The following CWC22 variants were observed in gnomAD, a reference collection of about 807,000 sequenced individuals.
CWC22 encodes pre-mRNA-splicing factor CWC22 homolog.
CWC22 carries 53 observed loss-of-function variants against 117.2 expected under a neutral mutation model. The observed-to-expected ratio is 0.45, with a 90% CI of 0.36 to 0.57. The LOEUF (loss-of-function observed/expected upper bound fraction) is 0.57, where lower values mean the gene tolerates loss of function less well. CWC22 is among the 20% of genes least tolerant of loss of function. The pLI is 0.00. For synonymous variants in CWC22, 360 were observed against 355.6 expected (o/e 1.01, Z -0.14); for missense variants, 980 against 1,068.8 (o/e 0.92, Z 1.16).
intron 13 of CWC22, among the ~76,000 whole-genome samples, chr2:179,959,541 A>C (rs1349880937): frequency 6.6e-6 from 1 of 152,124 alleles, no homozygotes; most frequent in Admixed American, 6.5e-5. Flanking sequence ...TCTAATGAGA[A>C]ATGCATTCTT....
chr2:179,996,905 T>G (rs1363059500), intron 1 of CWC22, among the ~76,000 whole-genome samples: 2 of 151,310 alleles, frequency 1.3e-5, no homozygotes, highest in African/African-American at 4.8e-5. Flanking sequence ...ATTTACTGAT[T>G]AAACAAAAAA....
intron 5 of CWC22, among the ~76,000 whole-genome samples, chr2:179,979,905 A>T (rs1226675477): frequency 1.3e-5 from 2 of 152,176 alleles, no homozygotes; most frequent in Non-Finnish European, 2.9e-5. Flanking sequence ...GGAAGCCCAC[A>T]ATTCACGTAT....
chr2:179,992,820 G>C (rs556057418), intron 2 of CWC22, among the ~76,000 whole-genome samples: 4 of 152,128 alleles, frequency 2.6e-5, no homozygotes, highest in Non-Finnish European at 4.4e-5. Flanking sequence ...ATAAATGAAC[G>C]CACACTGTCT....
intron 4 of CWC22, among the ~76,000 whole-genome samples, chr2:179,982,790 G>T (rs945992313): frequency 6.6e-6 from 1 of 152,118 alleles, no homozygotes; most frequent in Non-Finnish European, 1.5e-5. Context: ...ACGGGAAAGA[G>T]CGAATTCTTG....
intron 17 of CWC22, among the ~76,000 whole-genome samples, chr2:179,951,759 G>A (rs1686454499): frequency 1.3e-5 from 2 of 152,100 alleles, no homozygotes; most frequent in South Asian, 4.1e-4. Flanking sequence ...GAAGTGGATG[G>A]AATAGTCCAG....
At chr2:179,968,526 T>TA (rs1259455566) in intron 11 of CWC22, among the ~76,000 whole-genome samples, 3 of 151,512 alleles carry the variant, frequency 2.0e-5, no homozygotes, top group East Asian at 3.9e-4. Flanking sequence ...ATACAAAATA[T>TA]AAAAAACACC....
intron 11 of CWC22, among the ~76,000 whole-genome samples, chr2:179,970,298 G>T (rs1686998270): frequency 6.6e-6 from 1 of 151,930 alleles, no homozygotes; most frequent in South Asian, 2.1e-4. Context: ...AAGAACAATG[G>T]GGTAAGTAAT....
intron 4 of CWC22, among the ~76,000 whole-genome samples, chr2:179,983,028 A>T (rs1483163637): frequency 2.0e-5 from 3 of 152,218 alleles, no homozygotes; most frequent in Non-Finnish European, 4.4e-5. Context: ...AATATATAGT[A>T]ATAAAACCTA....
chr2:180,003,720 T>C (rs1323054313), intron 1 of CWC22, among the ~76,000 whole-genome samples: 1 of 152,116 alleles, frequency 6.6e-6, no homozygotes, highest in Middle Eastern at 3.2e-3. Flanking sequence ...TCTGTCTAGC[T>C]CCACCCATTT....
At chr2:179,961,197 A>T (rs895301068) in intron 13 of CWC22, among the ~76,000 whole-genome samples, 2 of 152,016 alleles carry the variant, frequency 1.3e-5, no homozygotes, top group Non-Finnish European at 2.9e-5. Context: ...AGTATAGTTC[A>T]CCTAAGAGAA....
intron 3 of CWC22, among the ~76,000 whole-genome samples, 166 bp from the exon 4 acceptor site, chr2:179,986,971 T>C (rs1468626151): frequency 6.6e-6 from 1 of 152,204 alleles, no homozygotes; most frequent in African/African-American, 2.4e-5. Flanking sequence ...TCCATCAGAA[T>C]TACAAAAGCT....
intron 14 of CWC22, among the ~76,000 whole-genome samples, chr2:179,956,157 TTAAG>T (rs1686585899): frequency 6.6e-6 from 1 of 151,790 alleles, no homozygotes; most frequent in South Asian, 2.1e-4. Context: ...AATTATATAA[TTAAG>T]TATTTACTGC....
intron 2 of CWC22, among the ~76,000 whole-genome samples, chr2:179,989,427 C>G (rs1035752332): frequency 6.6e-6 from 1 of 151,928 alleles, no homozygotes; most frequent in Non-Finnish European, 1.5e-5. Flanking sequence ...AAAACCACAA[C>G]TTTAGTACAG....
intron 1 of CWC22, among the ~76,000 whole-genome samples, chr2:179,999,618 A>T (rs1338848366): frequency 1.3e-5 from 2 of 152,170 alleles, no homozygotes; most frequent in Admixed American, 6.5e-5. Context: ...TGATTTCCGT[A>T]GCAAAACACT....
chr2:179,954,162 A>AG (rs34207172), intron 16 of CWC22, 43 bp downstream of exon 16: 14 of 1,474,442 alleles, frequency 9.5e-6, no homozygotes, highest in Non-Finnish European at 9.3e-7. Context: ...ATTTGAGAAC[A>AG]GGGAATTAGG....
chr2:180,006,059 A>T (rs1030844766), intron 1 of CWC22, among the ~76,000 whole-genome samples: 5 of 152,222 alleles, frequency 3.3e-5, no homozygotes, highest in Admixed American at 6.5e-5. Flanking sequence ...ATTTATGTTA[A>T]CTCCTGAATT....
In CWC22 at chr2:179,964,588, C is replaced by T; in HGVS notation, c.1356G>A (p.Leu452=). The change falls in exon 13 of 20, where the codon CTG becomes CTA. Residue 452 remains leucine (L), a synonymous_variant. Coordinates refer to ENST00000410053, the MANE Select transcript of CWC22 (RefSeq NM_020943.3). Reference sequence around the variant, plus strand: ...GATAAATTGTACGACGAAATGAGACCAGGTTAATTTCTGTTTTGTCATGAA... The same window carrying T: ...GATAAATTGTACGACGAAATGAGACTAGGTTAATTTCTGTTTTGTCATGAA... ...VTIHDKTEIN[L]VSFRRTIYLA... 1 of 1,569,132 alleles carries T rather than the reference C, an allele frequency of 6.4e-7. No homozygotes were observed. The highest frequency in any genetic ancestry group is 1.2e-5 in the South Asian group (1 of 85,156).
intron 4 of CWC22, among the ~76,000 whole-genome samples, chr2:179,985,084 C>G (rs1687384986): frequency 6.6e-6 from 1 of 152,054 alleles, no homozygotes; most frequent in Non-Finnish European, 1.5e-5. Flanking sequence ...AACTGAGGCT[C>G]AGAAGAAGTT....
At chr2:179,954,912 A>G (rs371835416) in intron 15 of CWC22, 45 bp downstream of exon 15, 17 of 1,097,102 alleles carry the variant, frequency 1.5e-5, no homozygotes, top group Non-Finnish European at 1.9e-5. Context: ...TCATTAATTT[A>G]CAATATTCGT....
Sources: allele counts gnomAD v4.1 joint callset (sites outside exome capture counted in the v4.1 genomes callset), GRCh38; gene constraint gnomAD v4.1.1; transcripts MANE v1.5; gene names NCBI Gene and HGNC (gene_info 2026-07-23, HGNC 2026-07-21).